FAM186A: variants seen among roughly 807,000 people sequenced by gnomAD.
The protein encoded by FAM186A is family with sequence similarity 186 member A, also known as protein FAM186A.
Under a neutral mutation model 216.8 loss-of-function variants are expected in FAM186A, and 163 were observed. That is an observed-to-expected ratio of 0.75 (90% CI 0.66 to 0.86). The LOEUF (loss-of-function observed/expected upper bound fraction) is 0.86. Among genes scored for constraint, FAM186A ranks in the 40% least tolerant of loss-of-function variants. The pLI is 0.00. For synonymous variants in FAM186A, 805 were observed against 1,025.3 expected, an observed-to-expected ratio of 0.79 and a Z score of 4.10; for missense variants, 2,184 against 2,746.2, an observed-to-expected ratio of 0.80 and a Z score of 4.58.
chr12:50,381,487 T>C (rs968569630), intron 1 of FAM186A, among the ~76,000 whole-genome samples: 18 of 151,970 alleles, frequency 1.2e-4, no homozygotes, highest in African/African-American at 4.1e-4. Flanking sequence ...TGGGTAGCAG[T>C]GGGCCAAGGT....
In FAM186A at chr12:50,353,438, C is replaced by T. The variant is rs1942932556; in HGVS notation, c.3394G>A (p.Gly1132Arg). Residue 1132 changes from glycine to arginine, a missense_variant, in exon 4 of 8, where the codon GGG becomes AGG. Around this residue, in one of 7 missense-constraint regions of FAM186A, gnomAD observed 267 missense variants for 446.2 expected, o/e 0.60. Coordinates refer to ENST00000327337, the MANE Select transcript of FAM186A (RefSeq NM_001145475.3). The stretch of plus-strand genomic sequence containing the variant: ...GTCTGCTGAGGGGTGAGAGGGATCC[C>T]CAGGGCCTGCGCCTGCTGAGGGGTG... ...LFTPQQAQAL[G>R]IPLTPQQTQV... 18 of 1,527,466 alleles carry T rather than the reference C, an allele frequency of 1.2e-5. No individual in the cohort carries two copies. The highest frequency in any genetic ancestry group is 1.5e-5 in the Non-Finnish European group (17 of 1,135,952). 94.6% of individuals were successfully genotyped at this position (1,527,466 alleles called of 1,614,324 possible).
At chr12:50,371,797 T>A (rs550378390) in intron 1 of FAM186A, among the ~76,000 whole-genome samples, 2 of 152,290 alleles carry the variant, frequency 1.3e-5, no homozygotes, top group East Asian at 3.9e-4. Flanking sequence ...CAGTAAATTT[T>A]ATGTATATTT....
intron 3 of FAM186A, 125 bp downstream of exon 3, chr12:50,360,631 A>G (rs1318012385): frequency 3.0e-5 from 22 of 732,168 alleles, no homozygotes; most frequent in Non-Finnish European, 6.1e-6. Context: ...GTTGCATTGA[A>G]CTGAGATCAG....
chr12:50,365,830 G>A, intron 1 of FAM186A: 1 of 760,586 alleles, frequency 1.3e-6, no homozygotes, highest in Non-Finnish European at 2.4e-6. Context: ...GTTGTATGAG[G>A]ACACCATAAA....
At chr12:50,383,979 A>G (rs1483700742) in intron 1 of FAM186A, among the ~76,000 whole-genome samples, 1 of 152,080 alleles carries the variant, frequency 6.6e-6, no homozygotes, top group South Asian at 2.1e-4. Context: ...TTAGCCAGGC[A>G]TGGTGGCACA....
chr12:50,356,284 T>A, intron 3 of FAM186A, 36 bp from the exon 4 acceptor site: 1 of 1,476,664 alleles, frequency 6.8e-7, no homozygotes, highest in Non-Finnish European at 9.0e-7. Flanking sequence ...AGATGGCATT[T>A]TTTTCTTTTG....
intron 1 of FAM186A, among the ~76,000 whole-genome samples, chr12:50,385,691 A>G (rs1489918410): frequency 6.6e-6 from 1 of 152,032 alleles, no homozygotes; most frequent in African/African-American, 2.4e-5. Context: ...ACGAGGTCTC[A>G]GGAGATCTAG....
chr12:50,354,441 A>C lies in FAM186A; in HGVS notation c.2391T>G (p.Ala797=), dbSNP rs879015444. ...VINNLIQMIL[A]EIESERDIPT... The stretch of plus-strand genomic sequence containing the variant: ...GAATATCTCTTTCACTTTCTATTTC[A>C]GCCAAGATCATTTGTATTAAATTGT... The change falls in exon 4 of 8, where the codon GCT becomes GCG. Residue 797 remains alanine, a synonymous_variant. Coordinates refer to ENST00000327337, the MANE Select transcript of FAM186A (RefSeq NM_001145475.3). 4.5e-6 allele frequency: 7 copies of C among 1,551,464 alleles called. No individual in the cohort carries two copies. In the South Asian group the frequency reaches 8.3e-5, roughly 18 times the overall value.
intron 1 of FAM186A, among the ~76,000 whole-genome samples, chr12:50,365,100 A>G (rs564985581): frequency 1.3e-5 from 2 of 152,000 alleles, no homozygotes; most frequent in Admixed American, 6.6e-5. Context: ...ATACACTGCA[A>G]TTTCCAGGAA....
Position 50,362,807 on chromosome 12 carries a change from G to A in FAM186A, c.412+338C>T, listed in dbSNP as rs74988594. Among the ~76,000 whole-genome samples, 1,474 of 151,440 alleles carry A rather than the reference G, an allele frequency of 9.7e-3. 29 individuals carry two copies. Among genetic ancestry groups the A allele is most frequent in the African/African-American group, 0.033 (1,380 of 41,220 alleles). On this transcript the variant is annotated intron_variant, in intron 2 of 7. Transcript: ENST00000327337. ...AAAAGTGCCAGGTGGTAGGGAATGG[G>A]GATGGTCAGAGAACATCTCATTTTA...
Position 50,354,925 on chromosome 12 carries a change from G to T in FAM186A, c.1907C>A (p.Ser636Tyr), listed in dbSNP as rs1406946408. The change falls in exon 4 of 8, where the codon TCT becomes TAT. Residue 636 changes from serine to tyrosine, a missense_variant. Around this residue, in one of 7 missense-constraint regions of FAM186A, gnomAD observed 1,132 missense variants for 1,263.4 expected, o/e 0.90. Coordinates refer to ENST00000327337, the MANE Select transcript of FAM186A (RefSeq NM_001145475.3). ...EKEELTKQVK[S>Y]HQLVKSLSRV... ...TGAGAGTGATTTAACAAGTTGATGAGACTTGACTTGTTTGGTCAACTCTTC... is the reference window on the plus strand; with the variant it reads ...TGAGAGTGATTTAACAAGTTGATGATACTTGACTTGTTTGGTCAACTCTTC... 1 of 1,550,636 alleles carries T rather than the reference G, an allele frequency of 6.4e-7. No homozygotes were observed. The highest frequency in any genetic ancestry group is 8.7e-7 in the Non-Finnish European group (1 of 1,146,856).
At chr12:50,376,364 G>C (rs4590959) in intron 1 of FAM186A, among the ~76,000 whole-genome samples, 146,207 of 152,252 alleles carry the variant, frequency 0.96, 70,471 homozygotes, top group East Asian at 1. Context: ...AGCAACAGAA[G>C]AGCTCTCAGC....
Position 50,362,013 on chromosome 12 carries a change from C to A in FAM186A, c.413-1087G>T, listed in dbSNP as rs961217147. Among the ~76,000 whole-genome samples the A allele has an allele frequency of 3.0e-4, 46 of 152,106 alleles. 1 individual carries two copies. The highest frequency in any genetic ancestry group is 2.1e-4 in the South Asian group (1 of 4,826). The stretch of plus-strand genomic sequence containing the variant: ...TTTTGGAGACAGTCTCACTCTGTCA[C>A]CCAGGCTGGAGTGCAGTGGCACGAC... On this transcript the variant is annotated intron_variant, in intron 2 of 7. Transcript: ENST00000327337.
intron 1 of FAM186A, among the ~76,000 whole-genome samples, chr12:50,394,793 T>C (rs992509203): frequency 7.2e-6 from 1 of 138,886 alleles, no homozygotes; most frequent in Non-Finnish European, 1.5e-5. Flanking sequence ...CAGACTGGAA[T>C]GTAGTGGCAC....
In FAM186A at chr12:50,350,944, T is replaced by A; in HGVS notation, c.5888A>T (p.Lys1963Ile). Residue 1963 changes from lysine (K) to isoleucine (I), a missense_variant, in exon 4 of 8, where the codon AAA becomes ATA. Physicochemically the swap from Lys to Ile is moderately radical, Grantham distance 102. This residue lies in a region of FAM186A where 721 missense variants were observed against 816.4 expected (regional missense o/e 0.88). Transcript: ENST00000327337. ...AGGATGGATCAATACTGATTTAGAT[T>A]TCAGAGAAGAAATAATTGCCAATCT... ...KKRLAIISSL[K>I]SKSVLIHPSA... The A allele has an allele frequency of 1.3e-6, 2 of 1,551,314 alleles. No homozygotes were observed. Among genetic ancestry groups the A allele is most frequent in the Non-Finnish European group, 1.7e-6 (2 of 1,146,886 alleles).
At chr12:50,394,569 TTATC>T (rs1045083670) in intron 1 of FAM186A, among the ~76,000 whole-genome samples, 7 of 150,946 alleles carry the variant, frequency 4.6e-5, no homozygotes, top group Admixed American at 1.3e-4. Flanking sequence ...AAAAATCTAT[TTATC>T]TATCTATCTA....
chr12:50,357,235 G>A (rs760666843), intron 3 of FAM186A, among the ~76,000 whole-genome samples: 2 of 151,728 alleles, frequency 1.3e-5, no homozygotes, highest in Non-Finnish European at 2.9e-5. Flanking sequence ...TTGGCCAGGC[G>A]CAATGGCTCA....
At chr12:50,357,499 TG>T (rs1942989536) in intron 3 of FAM186A, among the ~76,000 whole-genome samples, 1 of 61,940 alleles carries the variant, frequency 1.6e-5, no homozygotes, top group South Asian at 4.3e-4. Flanking sequence ...AGACTCTGTC[TG>T]AAAAAAAAAA....
intron 3 of FAM186A, 137 bp downstream of exon 3, chr12:50,360,619 A>T (rs1486702728): frequency 1.7e-6 from 1 of 596,776 alleles, no homozygotes; most frequent in Non-Finnish European, 2.7e-6. Context: ...CTGGAGGTGG[A>T]GGTTGCATTG....
Sources: gnomAD v4.1 joint callset for allele counts (sites outside exome capture counted in the v4.1 genomes callset) on GRCh38, gnomAD v4.1.1 for gene constraint, gnomAD v4.1.1 regional missense constraint, MANE v1.5 for transcripts, NCBI Gene and HGNC (gene_info 2026-07-23, HGNC 2026-07-21) for gene names.